METTL15: variants seen among roughly 807,000 people sequenced by gnomAD.
METTL15 encodes the protein methyltransferase 15, mitochondrial 12S rRNA N4-cytidine.
A neutral mutation model predicts 38.3 loss-of-function variants in METTL15; 34 were observed. The ratio of observed to expected loss-of-function variants is 0.89; its 90% CI spans 0.68 to 1.18. The LOEUF (loss-of-function observed/expected upper bound fraction) is 1.18, where lower values mean the gene tolerates loss of function less well. Ranked by LOEUF, METTL15 falls within the 50% of genes most tolerant of loss-of-function variation. The probability of loss-of-function intolerance (pLI) is 0.00; values close to 1 mark genes in which losing one functional copy is unlikely to be tolerated. For synonymous variants in METTL15, 162 were observed against 170.9 expected (o/e 0.95, Z 0.41); for missense variants, 438 against 498.4 (o/e 0.88, Z 1.15).
At chr11:28,481,017 G>A (rs1851390929) in intron 6 of METTL15, among the ~76,000 whole-genome samples, 1 of 152,118 alleles carries the variant, frequency 6.6e-6, no homozygotes, top group Admixed American at 6.5e-5. Context: ...GAGAGAGAAA[G>A]AATAACGTAT....
chr11:28,394,577 A>G (rs963631023), intron 5 of METTL15, among the ~76,000 whole-genome samples: 1 of 152,052 alleles, frequency 6.6e-6, no homozygotes, highest in Non-Finnish European at 1.5e-5. Context: ...TTTCACGGAC[A>G]TTTTCAGTTC....
chr11:28,330,336 A>G, intron 6 of METTL15, 60 bp from the exon 7 acceptor site: 18 of 1,375,096 alleles, frequency 1.3e-5, no homozygotes, highest in Non-Finnish European at 1.8e-5. Flanking sequence ...CATTAGATTT[A>G]CAGTGAAAAA....
intron 3 of METTL15, among the ~76,000 whole-genome samples, chr11:28,185,422 TA>T (rs1330834486): frequency 6.6e-6 from 1 of 151,430 alleles, no homozygotes; most frequent in Non-Finnish European, 1.5e-5. Context: ...GCTTATAAGT[TA>T]TTGTTAATAT....
At chr11:28,211,992 A>T (rs547514014) in intron 4 of METTL15, among the ~76,000 whole-genome samples, 1 of 152,142 alleles carries the variant, frequency 6.6e-6, no homozygotes, top group East Asian at 1.9e-4. Context: ...TGAAGTTTTG[A>T]CTTGATGTGG....
intron 5 of METTL15, among the ~76,000 whole-genome samples, chr11:28,414,047 A>G (rs1850751477): frequency 6.6e-6 from 1 of 152,176 alleles, no homozygotes; most frequent in Non-Finnish European, 1.5e-5. Context: ...ACTTTTCAAC[A>G]CAGTGAATTT....
chr11:28,273,766 T>C (rs1392179637), intron 4 of METTL15, among the ~76,000 whole-genome samples: 3 of 152,032 alleles, frequency 2.0e-5, no homozygotes, highest in Non-Finnish European at 4.4e-5. Context: ...CTGGACCACA[T>C]CTAAAAATAT....
At chr11:28,168,955 T>C (rs1315832493) in intron 3 of METTL15, among the ~76,000 whole-genome samples, 1 of 152,030 alleles carries the variant, frequency 6.6e-6, no homozygotes, top group Non-Finnish European at 1.5e-5. Flanking sequence ...AGAATGACCT[T>C]TGGGCCACAG....
intron 4 of METTL15, 43 bp from the exon 5 acceptor site, chr11:28,290,163 A>G (rs373599466): frequency 5.0e-5 from 76 of 1,508,882 alleles, no homozygotes; most frequent in Non-Finnish European, 6.4e-5. Context: ...AAAGACTTCA[A>G]TCTAACAGAA....
At chr11:28,240,989 A>G (rs1213518718) in intron 4 of METTL15, among the ~76,000 whole-genome samples, 1 of 152,202 alleles carries the variant, frequency 6.6e-6, no homozygotes, top group Non-Finnish European at 1.5e-5. Flanking sequence ...TGTTTCTGAA[A>G]ATAATGATAT....
At chr11:28,267,614 A>G (rs73438505) in intron 4 of METTL15, among the ~76,000 whole-genome samples, 22,772 of 152,272 alleles carry the variant, frequency 0.15, 1,885 homozygotes, top group East Asian at 0.28. Flanking sequence ...AGCCTGGTAC[A>G]GTGCCCAGAA....
intron 6 of METTL15, among the ~76,000 whole-genome samples, chr11:28,466,070 CG>C (rs1170984577): frequency 6.6e-6 from 1 of 152,044 alleles, no homozygotes; most frequent in Non-Finnish European, 1.5e-5. Context: ...CAATTGAAGT[CG>C]GGGGGATCTT....
At chr11:28,530,841 A>G (rs1022387394), downstream of METTL15, among the ~76,000 whole-genome samples, 8 of 152,082 alleles carry the variant, frequency 5.3e-5, no homozygotes, top group Non-Finnish European at 1.0e-4. Flanking sequence ...TGTTTAATAC[A>G]GTCTATCTAC....
chr11:28,186,704 AC>A (rs1851507093), intron 3 of METTL15, among the ~76,000 whole-genome samples: 1 of 151,234 alleles, frequency 6.6e-6, no homozygotes, highest in African/African-American at 2.4e-5. Flanking sequence ...TTATTAAAAA[AC>A]AATATATTTG....
At position 28,211,046 on chromosome 11, in the gene METTL15, T is replaced by G. The variant is rs200506540; in HGVS notation, c.271-16T>G. ...GTTTATGCTAAGTTGTAATTTTCTTTTTCTGTGTTTGCTAGATTTTTCTAG... is the reference window on the plus strand; with the variant it reads ...GTTTATGCTAAGTTGTAATTTTCTTGTTCTGTGTTTGCTAGATTTTTCTAG... On this transcript the variant is annotated splice_polypyrimidine_tract_variant and intron_variant, in intron 3 of 6. Transcript: ENST00000407364. 8.1e-5 allele frequency: 129 copies of G among 1,594,500 alleles called. No homozygotes were observed. The highest frequency in any genetic ancestry group is 2.2e-4 in the Middle Eastern group (1 of 4,464).
At chr11:28,292,493 A>G (rs1856557336) in intron 5 of METTL15, among the ~76,000 whole-genome samples, 1 of 151,982 alleles carries the variant, frequency 6.6e-6, no homozygotes, top group Non-Finnish European at 1.5e-5. Context: ...AGTCTTTGCT[A>G]TTGTGAATAG....
At chr11:28,423,999 C>G (rs1564927284) in intron 5 of METTL15, among the ~76,000 whole-genome samples, 1 of 151,966 alleles carries the variant, frequency 6.6e-6, no homozygotes, top group Non-Finnish European at 1.5e-5. Context: ...ACTCATAAAA[C>G]TTTTTTTTAA....
chr11:28,128,362 A>T (rs1852586814), intron 3 of METTL15, among the ~76,000 whole-genome samples: 1 of 152,186 alleles, frequency 6.6e-6, no homozygotes. Context: ...ATAATAATTT[A>T]GCTTTAATCA....
intron 6 of METTL15, among the ~76,000 whole-genome samples, chr11:28,305,307 AACTG>A (rs770399518): frequency 1.2e-4 from 19 of 152,146 alleles, no homozygotes; most frequent in Non-Finnish European, 2.6e-4. Context: ...TTCCAGTCGC[AACTG>A]ACTAATTAGC....
intron 3 of METTL15, among the ~76,000 whole-genome samples, chr11:28,184,844 C>A (rs1851434890): frequency 6.6e-6 from 1 of 151,236 alleles, no homozygotes; most frequent in Admixed American, 6.6e-5. Context: ...ACAGAGTAGG[C>A]CTCTAGGAGT....
Sources: allele counts gnomAD v4.1 joint callset (sites outside exome capture counted in the v4.1 genomes callset), GRCh38; gene constraint gnomAD v4.1.1; transcripts MANE v1.5; gene names NCBI Gene and HGNC (gene_info 2026-07-23, HGNC 2026-07-21).